The following FBXL13 variants were observed in gnomAD, a reference collection of about 807,000 sequenced individuals.
FBXL13 encodes the protein F-box and leucine-rich repeat protein 13.
In FBXL13, 67 loss-of-function variants were observed where a neutral mutation model predicts 83.6. That is an observed-to-expected ratio of 0.80 (90% CI 0.66 to 0.98). FBXL13 has a LOEUF of 0.98. Ranked by LOEUF, FBXL13 falls within the 50% of genes least tolerant of loss-of-function variation. The pLI, the probability that FBXL13 is intolerant of heterozygous loss-of-function variation, is 0.00. For missense variants in FBXL13, 822 were observed against 866.5 expected, an observed-to-expected ratio of 0.95 and a Z score of 0.64; for synonymous variants, 272 against 299.5, an observed-to-expected ratio of 0.91 and a Z score of 0.95.
chr7:102,900,327 G>T (rs1261971696), intron 11 of FBXL13, among the ~76,000 whole-genome samples: 1 of 152,196 alleles, frequency 6.6e-6, no homozygotes. Flanking sequence ...TGCCCAGTAT[G>T]CATCAGGCAC....
chr7:102,965,378 AAACTGAGAAAATGCAAATAAAGTAC>A (rs1255044907), intron 7 of FBXL13, among the ~76,000 whole-genome samples: 19 of 152,204 alleles, frequency 1.2e-4, no homozygotes, highest in Non-Finnish European at 2.2e-4. Flanking sequence ...CTGCAGAGAC[AAACTGAGAAAATGCAAATAAAGTAC>A]TTAGTGTAGC....
chr7:103,025,182 G>C (rs1413089616), exon 6 of FBXL13: 3 of 1,597,416 alleles, frequency 1.9e-6, no homozygotes, highest in Non-Finnish European at 2.6e-6. Flanking sequence ...GCTCTTTTGA[G>C]TATTAACCTA....
intron 8 of FBXL13, among the ~76,000 whole-genome samples, chr7:102,950,988 C>A (rs1823304814): frequency 2.0e-5 from 3 of 152,058 alleles, no homozygotes; most frequent in African/African-American, 7.2e-5. Context: ...AGAGTGAACC[C>A]TATATAAACT....
intron 1 of FBXL13, among the ~76,000 whole-genome samples, chr7:103,067,049 A>AT (rs1037944935): frequency 0.012 from 1,791 of 145,412 alleles, 34 homozygotes; most frequent in African/African-American, 0.04. Context: ...CCTCCCAAGA[A>AT]TTTTTTTTTT....
intron 6 of FBXL13, among the ~76,000 whole-genome samples, chr7:103,016,525 G>C (rs550019494): frequency 3.6e-4 from 55 of 152,246 alleles, no homozygotes; most frequent in South Asian, 2.1e-3. Context: ...AGCAGGGCAA[G>C]GCATGGTCTC....
At chr7:103,049,518 C>G (rs890295010) in intron 2 of FBXL13, among the ~76,000 whole-genome samples, 1 of 152,176 alleles carries the variant, frequency 6.6e-6, no homozygotes, top group East Asian at 1.9e-4. Flanking sequence ...TATAACTACA[C>G]AGACAAACCA....
chr7:102,978,933 T>C (rs902967345), intron 6 of FBXL13, among the ~76,000 whole-genome samples: 1 of 152,196 alleles, frequency 6.6e-6, no homozygotes, highest in Non-Finnish European at 1.5e-5. Context: ...CAATACTTGA[T>C]AGATCAATGC....
At chr7:102,822,190 G>T (rs374520810) in exon 19 of FBXL13, 1 of 1,613,872 alleles carries the variant, frequency 6.2e-7, no homozygotes, top group Non-Finnish European at 8.5e-7. Context: ...CATCTCCATT[G>T]CTGAGTCAGT....
chr7:103,041,807 T>G (rs1450611933), intron 2 of FBXL13, among the ~76,000 whole-genome samples: 1 of 152,174 alleles, frequency 6.6e-6, no homozygotes, highest in Non-Finnish European at 1.5e-5. Context: ...AAACTAGGTA[T>G]TGATGGAACA....
chr7:103,036,012 A>G lies in FBXL13; in HGVS notation c.1-6594T>C, dbSNP rs531601586. 3.9e-5 allele frequency among the ~76,000 whole-genome samples: 6 copies of G among 152,298 alleles called. No individual in the cohort carries two copies. The East Asian group carries it at 1.2e-3, about 29-fold the overall frequency. The stretch of plus-strand genomic sequence containing the variant: ...GCAGGAGGTGAGCAGTGGGCAAGCG[A>G]GCATTACCTCCTGAGCTCCACCTCA... On this transcript the variant is annotated intron_variant, in intron 2 of 19. Coordinates refer to ENST00000313221, the Ensembl canonical transcript of FBXL13.
intron 14 of FBXL13, among the ~76,000 whole-genome samples, chr7:102,879,770 G>C (rs1198980038): frequency 6.6e-6 from 1 of 152,072 alleles, no homozygotes; most frequent in African/African-American, 2.4e-5. Context: ...GCAGTGGCAC[G>C]ATCTCAGCTC....
At chr7:103,022,488 C>A (rs1174011245) in intron 6 of FBXL13, among the ~76,000 whole-genome samples, 6 of 150,948 alleles carry the variant, frequency 4.0e-5, no homozygotes, top group Admixed American at 6.6e-5. Context: ...AAAAAAAAAA[C>A]CAGAAATATA....
intron 6 of FBXL13, among the ~76,000 whole-genome samples, chr7:102,979,541 A>G (rs1827933348): frequency 6.6e-6 from 1 of 152,156 alleles, no homozygotes; most frequent in Non-Finnish European, 1.5e-5. Flanking sequence ...GGGGTGGGGT[A>G]ATGTTCTACC....
chr7:103,039,514 C>A (rs1397435120), intron 2 of FBXL13, among the ~76,000 whole-genome samples: 5 of 151,994 alleles, frequency 3.3e-5, no homozygotes, highest in Non-Finnish European at 5.9e-5. Flanking sequence ...AACTCCAAGA[C>A]ACATAATTGT....
intron 14 of FBXL13, among the ~76,000 whole-genome samples, 170 bp from the exon 16 acceptor site, chr7:102,878,620 G>A (rs1809584657): frequency 6.6e-6 from 1 of 152,104 alleles, no homozygotes; most frequent in African/African-American, 2.4e-5. Context: ...AGATTTTAAT[G>A]TAATAAAATG....
At chr7:103,072,834 C>A (rs1055177438) in intron 1 of FBXL13, among the ~76,000 whole-genome samples, 1 of 152,216 alleles carries the variant, frequency 6.6e-6, no homozygotes, top group African/African-American at 2.4e-5. Context: ...TCCTTAGAGT[C>A]CTTGGCCCAT....
At chr7:103,017,887 T>A (rs1792572123) in intron 6 of FBXL13, among the ~76,000 whole-genome samples, 1 of 152,172 alleles carries the variant, frequency 6.6e-6, no homozygotes, top group Non-Finnish European at 1.5e-5. Flanking sequence ...AGAATCAAGT[T>A]GGAAAACACT....
At chr7:103,000,919 G>C (rs772717132) in intron 6 of FBXL13, among the ~76,000 whole-genome samples, 9 of 151,736 alleles carry the variant, frequency 5.9e-5, no homozygotes, top group Non-Finnish European at 8.8e-5. Flanking sequence ...CTCTTTTTTG[G>C]TTTCCAATTA....
rs143430162 is a variant in FBXL13, at chr7:102,966,625, C to T, written c.591+1397G>A. On this transcript the variant is annotated intron_variant, in intron 7 of 19. Transcript: ENST00000313221. ...GACCAAGAGCATTACAAGCACATGG[C>T]AGTGAGGAACGAAGCCAGGGTAGGA... 5.8e-4 allele frequency among the ~76,000 whole-genome samples: 89 copies of T among 152,314 alleles called. 2 individuals are homozygous for T. In the East Asian group the frequency reaches 0.016, roughly 28 times the overall value.
Sources: allele counts gnomAD v4.1 joint callset (sites outside exome capture counted in the v4.1 genomes callset), GRCh38; gene constraint gnomAD v4.1.1; transcripts MANE v1.5; gene names NCBI Gene and HGNC (gene_info 2026-07-23, HGNC 2026-07-21).